MAGI1: variants seen among roughly 807,000 people sequenced by gnomAD.
MAGI1 encodes membrane associated guanylate kinase, WW and PDZ domain containing 1.
In MAGI1, 58 loss-of-function variants were observed where a neutral mutation model predicts 139.9. The observed-to-expected ratio is 0.41, with a 90% confidence interval of 0.34 to 0.52. The LOEUF (loss-of-function observed/expected upper bound fraction) is 0.52, where lower values mean the gene tolerates loss of function less well. MAGI1 is among the 20% of genes least tolerant of loss of function. The pLI is 0.12. For synonymous variants in MAGI1, 812 were observed against 737.9 expected (o/e 1.10, Z -1.63); for missense variants, 1,874 against 1,901.6 (o/e 0.99, Z 0.27).
chr3:65,830,640 T>G (rs1317979812), intron 1 of MAGI1, among the ~76,000 whole-genome samples: 5 of 151,428 alleles, frequency 3.3e-5, no homozygotes, highest in Non-Finnish European at 7.4e-5. Context: ...GCTAACAATT[T>G]TCCATTGATT....
intron 2 of MAGI1, among the ~76,000 whole-genome samples, chr3:65,582,085 G>A (rs1418790206): frequency 6.6e-6 from 1 of 152,176 alleles, no homozygotes; most frequent in African/African-American, 2.4e-5. Context: ...TAATCCCCCA[G>A]TCCTCTCTAG....
chr3:65,753,388 A>G (rs771535836), intron 1 of MAGI1, among the ~76,000 whole-genome samples: 3 of 152,158 alleles, frequency 2.0e-5, no homozygotes, highest in Non-Finnish European at 4.4e-5. Flanking sequence ...AAAAACACCT[A>G]TGAACTGAGT....
At chr3:66,022,022 C>G (rs542126311) in intron 1 of MAGI1, among the ~76,000 whole-genome samples, 2 of 152,214 alleles carry the variant, frequency 1.3e-5, no homozygotes, top group South Asian at 2.1e-4. Context: ...TCCCCCGCAG[C>G]CTTTTCCCGA....
intron 2 of MAGI1, among the ~76,000 whole-genome samples, chr3:65,500,879 C>T (rs144554851): frequency 1.9e-4 from 29 of 152,314 alleles, no homozygotes; most frequent in African/African-American, 6.7e-4. Flanking sequence ...CAACTGCTTA[C>T]GTGTTAAGAA....
At chr3:65,754,589 G>GTCTT (rs147841509) in intron 1 of MAGI1, among the ~76,000 whole-genome samples, 1,905 of 152,306 alleles carry the variant, frequency 0.013, 34 homozygotes, top group African/African-American at 0.044. Context: ...CAAAGGCAAT[G>GTCTT]TCTTAAGGAA....
intron 3 of MAGI1, among the ~76,000 whole-genome samples, chr3:65,486,151 T>C (rs937521987): frequency 1.3e-5 from 2 of 152,194 alleles, no homozygotes; most frequent in South Asian, 4.1e-4. Flanking sequence ...AATTATACCA[T>C]TGGCAGCTGC....
intron 2 of MAGI1, chr3:65,499,140 T>A: frequency 1.8e-6 from 1 of 566,364 alleles, no homozygotes; most frequent in Non-Finnish European, 2.2e-6. Context: ...AAAATTCCAT[T>A]GATTCCTATT....
chr3:65,458,180 T>C (rs1195288772), intron 5 of MAGI1, among the ~76,000 whole-genome samples: 2 of 152,070 alleles, frequency 1.3e-5, no homozygotes, highest in Admixed American at 6.5e-5. Context: ...TGGACTCCAC[T>C]TTCTTTATCC....
chr3:65,733,557 G>C (rs2034408984), intron 1 of MAGI1, among the ~76,000 whole-genome samples: 1 of 152,194 alleles, frequency 6.6e-6, no homozygotes, highest in Non-Finnish European at 1.5e-5. Context: ...AAAAACCAGA[G>C]AAGGAAACCT....
chr3:65,387,456 T>C (rs1029059446), intron 14 of MAGI1, among the ~76,000 whole-genome samples: 1 of 152,110 alleles, frequency 6.6e-6, no homozygotes, highest in African/African-American at 2.4e-5. Context: ...GAGAGTTTCC[T>C]ATAACTCCTA....
At chr3:65,395,183 T>C (rs970916657) in intron 13 of MAGI1, among the ~76,000 whole-genome samples, 2 of 152,146 alleles carry the variant, frequency 1.3e-5, no homozygotes, top group Non-Finnish European at 2.9e-5. Flanking sequence ...AAATAAGGAA[T>C]AGATGGTACC....
chr3:65,403,747 C>T (rs1345060462), intron 12 of MAGI1, among the ~76,000 whole-genome samples: 4 of 152,192 alleles, frequency 2.6e-5, no homozygotes, highest in African/African-American at 9.7e-5. Flanking sequence ...AAGACTCTGG[C>T]TGATCTTCAA....
At chr3:65,416,112 C>A (rs373044007) in intron 12 of MAGI1, among the ~76,000 whole-genome samples, 1 of 151,304 alleles carries the variant, frequency 6.6e-6, no homozygotes, top group African/African-American at 2.4e-5. Flanking sequence ...TATTTCCAAG[C>A]GATTTTTGAA....
intron 2 of MAGI1, among the ~76,000 whole-genome samples, chr3:65,568,394 T>C (rs572040878): frequency 2.0e-4 from 30 of 152,262 alleles, no homozygotes; most frequent in African/African-American, 7.2e-4. Flanking sequence ...CTTGTTATGG[T>C]TGATCAGGTA....
At chr3:65,862,629 A>T (rs1559954240) in intron 1 of MAGI1, among the ~76,000 whole-genome samples, 1 of 152,170 alleles carries the variant, frequency 6.6e-6, no homozygotes. Context: ...GTGACATGAG[A>T]CCATTTCAGG....
intron 1 of MAGI1, among the ~76,000 whole-genome samples, chr3:65,899,734 T>G (rs1212833777): frequency 1.3e-5 from 2 of 152,192 alleles, no homozygotes; most frequent in Non-Finnish European, 2.9e-5. Flanking sequence ...CAAAGATATA[T>G]CTAATACAGT....
intron 2 of MAGI1, among the ~76,000 whole-genome samples, chr3:65,506,935 T>A (rs751084497): frequency 2.0e-5 from 3 of 152,188 alleles, no homozygotes; most frequent in Non-Finnish European, 4.4e-5. Context: ...TCAGTTGACA[T>A]AGGCATGATA....
chr3:65,994,169 G>A (rs920760247), intron 1 of MAGI1, among the ~76,000 whole-genome samples: 1 of 150,594 alleles, frequency 6.6e-6, no homozygotes, highest in Non-Finnish European at 1.5e-5. Context: ...AGCTACTTGG[G>A]AGACTGAGGC....
At chr3:65,579,063 C>T (rs2081305801) in intron 2 of MAGI1, among the ~76,000 whole-genome samples, 1 of 151,986 alleles carries the variant, frequency 6.6e-6, no homozygotes, top group Non-Finnish European at 1.5e-5. Flanking sequence ...GGCACTGAGC[C>T]TCCCAAAGCA....
Sources: allele counts gnomAD v4.1 joint callset (sites outside exome capture counted in the v4.1 genomes callset), GRCh38; gene constraint gnomAD v4.1.1; transcripts MANE v1.5; gene names NCBI Gene and HGNC (gene_info 2026-07-23, HGNC 2026-07-21).